The following ATRX variants were observed in gnomAD, a reference collection of about 807,000 sequenced individuals.
ATRX encodes the protein ATRX chromatin remodeler.
In ATRX, 12 loss-of-function variants were observed where a neutral mutation model predicts 172.6. The ratio of observed to expected loss-of-function variants is 0.07; its 90% CI spans 0.04 to 0.11. The LOEUF is 0.11. Among genes scored for constraint, ATRX ranks in the 10% least tolerant of loss-of-function variants. The probability of loss-of-function intolerance (pLI) is 1.00; values close to 1 mark genes in which losing one functional copy is unlikely to be tolerated. For missense variants in ATRX, 1,368 were observed against 1,767.4 expected, an observed-to-expected ratio of 0.77 and a Z score of 4.05; for synonymous variants, 674 against 594.7, an observed-to-expected ratio of 1.13 and a Z score of -1.94.
intron 1 of ATRX, among the ~76,000 whole-genome samples, chrX:77,733,091 C>T (rs940852154): frequency 1.8e-5 from 2 of 111,889 alleles, no homozygotes; most frequent in South Asian, 3.7e-4. Context: ...ATACAAAAAT[C>T]AGCAGCATTT....
intron 22 of ATRX, among the ~76,000 whole-genome samples, chrX:77,614,931 G>C (rs982050237): frequency 1.8e-4 from 20 of 111,306 alleles, no homozygotes; most frequent in African/African-American, 6.5e-4. Flanking sequence ...ACCTCCATGA[G>C]GTCAACTCAA....
intron 2 of ATRX, among the ~76,000 whole-genome samples, 163 bp downstream of exon 2, chrX:77,716,968 T>C (rs1478705547): frequency 2.7e-5 from 3 of 111,716 alleles, no homozygotes; most frequent in Non-Finnish European, 5.6e-5. Context: ...ATAGCTAAGA[T>C]ACATAATAGG....
chrX:77,539,897 A>C (rs1557050015), intron 30 of ATRX, among the ~76,000 whole-genome samples: 1 of 111,898 alleles, frequency 8.9e-6, no homozygotes, highest in East Asian at 2.8e-4. Flanking sequence ...GCTATGAAGA[A>C]ACTGCATCAA....
At chrX:77,720,222 A>G (rs2073678446) in intron 1 of ATRX, among the ~76,000 whole-genome samples, 1 of 112,173 alleles carries the variant, frequency 8.9e-6, no homozygotes, top group African/African-American at 3.2e-5. Context: ...CCACAAGAGA[A>G]AGCAGGAAAT....
chrX:77,627,910 TG>T (rs1168009997), intron 19 of ATRX, among the ~76,000 whole-genome samples: 3 of 111,042 alleles, frequency 2.7e-5, no homozygotes, highest in Non-Finnish European at 5.7e-5. Flanking sequence ...TAAAATGAAA[TG>T]TTTGTTACCT....
rs201962494 is a variant in ATRX at position 77,735,808 on chromosome X, C to CTAAA, written c.21-18569_21-18566dup. Among the ~76,000 whole-genome samples, 505 of 70,340 alleles carry CTAAA rather than the reference C, an allele frequency of 7.2e-3. 4 individuals are homozygous for CTAAA. The highest frequency in any genetic ancestry group is 0.021 in the East Asian group (47 of 2,264). The allele number at this position is 70,340 out of a possible 115,157, so 61.1% of individuals were successfully genotyped here. A position where few individuals can be genotyped will look rare whatever the true frequency, so the allele number is the denominator to read the frequency against. On this transcript the variant is annotated intron_variant, in intron 1 of 34. Coordinates refer to ENST00000373344, the MANE Select transcript of ATRX (RefSeq NM_000489.6). ...CAGAGCAAGACTCCGTCTCAAAAAA[C>CTAAA]TAAATAAATAAATAAATAAATAAAT...
intron 2 of ATRX, among the ~76,000 whole-genome samples, chrX:77,711,851 C>A (rs781992400): frequency 2.0e-4 from 22 of 112,055 alleles, no homozygotes; most frequent in South Asian, 7.4e-4. Context: ...AACCAACCAA[C>A]CAAACAAACA....
At chrX:77,533,122 C>T (rs1332041945) in intron 30 of ATRX, among the ~76,000 whole-genome samples, 2 of 111,959 alleles carry the variant, frequency 1.8e-5, no homozygotes, top group African/African-American at 6.5e-5. Flanking sequence ...ATGGCTATTA[C>T]TAAAAAGTCA....
intron 1 of ATRX, among the ~76,000 whole-genome samples, chrX:77,775,880 C>T (rs1251821944): frequency 7.3e-5 from 8 of 110,255 alleles, no homozygotes; most frequent in African/African-American, 1.6e-4. Context: ...TACAGGCATG[C>T]GCCACCACGC....
intron 2 of ATRX, among the ~76,000 whole-genome samples, chrX:77,709,629 T>TA (rs1353569134): frequency 3.3e-5 from 3 of 91,265 alleles, no homozygotes; most frequent in African/African-American, 1.1e-4. Flanking sequence ...AAAGCACTGA[T>TA]AGAGTCCAAT....
At chrX:77,658,391 G>C (rs2069668551) in intron 12 of ATRX, among the ~76,000 whole-genome samples, 1 of 111,763 alleles carries the variant, frequency 8.9e-6, no homozygotes, top group African/African-American at 3.3e-5. Flanking sequence ...CAAGTGTCAA[G>C]GTCATCAAAG....
At chrX:77,772,208 T>C (rs987489480) in intron 1 of ATRX, among the ~76,000 whole-genome samples, 1 of 107,965 alleles carries the variant, frequency 9.3e-6, no homozygotes, top group African/African-American at 3.4e-5. Flanking sequence ...TGAGGCAGAA[T>C]TGCTTGAACC....
chrX:77,717,508 T>G (rs1447218085), intron 1 of ATRX, among the ~76,000 whole-genome samples: 1 of 105,919 alleles, frequency 9.4e-6, no homozygotes, highest in African/African-American at 3.5e-5. Context: ...GAGGCTGAGG[T>G]GGGAGGATGG....
intron 5 of ATRX, among the ~76,000 whole-genome samples, chrX:77,694,827 A>G (rs45596333): frequency 0.016 from 1,541 of 95,218 alleles, 29 homozygotes; most frequent in African/African-American, 0.058. Context: ...ATATGGCTCT[A>G]TGTTATTCAA....
intron 30 of ATRX, among the ~76,000 whole-genome samples, chrX:77,532,424 T>C (rs1235319804): frequency 2.7e-5 from 3 of 111,626 alleles, no homozygotes; most frequent in African/African-American, 6.5e-5. Flanking sequence ...AGCATGGTAC[T>C]GGTACAAAAA....
chrX:77,702,271 T>C (rs1372488270), intron 2 of ATRX, among the ~76,000 whole-genome samples: 1 of 110,767 alleles, frequency 9.0e-6, no homozygotes, highest in Non-Finnish European at 1.9e-5. Context: ...GGCAAAACCC[T>C]GTCTCTACTA....
intron 10 of ATRX, among the ~76,000 whole-genome samples, chrX:77,665,898 C>T (rs1327284968): frequency 8.9e-6 from 1 of 111,841 alleles, no homozygotes; most frequent in African/African-American, 3.2e-5. Flanking sequence ...GATGATGGAA[C>T]ATTTGTTATT....
intron 1 of ATRX, among the ~76,000 whole-genome samples, chrX:77,720,635 G>A (rs914935725): frequency 2.0e-4 from 22 of 111,488 alleles, no homozygotes; most frequent in Non-Finnish European, 3.6e-4. Context: ...GGAAGAAGTC[G>A]AATCCCTGAA....
chrX:77,565,357 A>G (rs2065161043), intron 28 of ATRX, among the ~76,000 whole-genome samples: 1 of 112,336 alleles, frequency 8.9e-6, no homozygotes, highest in African/African-American at 3.2e-5. Flanking sequence ...CTTTCTCATA[A>G]TAAGAACCAG....
Sources: gnomAD v4.1 joint callset for allele counts (sites outside exome capture counted in the v4.1 genomes callset) on GRCh38, gnomAD v4.1.1 for gene constraint, MANE v1.5 for transcripts, NCBI Gene and HGNC (gene_info 2026-07-23, HGNC 2026-07-21) for gene names.